PCDH7: variants seen among roughly 807,000 people sequenced by gnomAD.
PCDH7 encodes protocadherin-7.
Under a neutral mutation model 58.9 loss-of-function variants are expected in PCDH7, and 17 were observed. The observed-to-expected ratio is 0.29, with a 90% CI of 0.20 to 0.43. The LOEUF (loss-of-function observed/expected upper bound fraction) is 0.43, where lower values mean the gene tolerates loss of function less well. PCDH7 is among the 20% of genes least tolerant of loss of function. PCDH7 has a pLI of 1.00. For synonymous variants in PCDH7, 664 were observed against 616.4 expected (o/e 1.08, Z -1.14); for missense variants, 1,274 against 1,441.0 (o/e 0.88, Z 1.88).
At position 30,840,029 on chromosome 4, in the gene PCDH7, AGTGTGT is replaced by A. The variant is rs10687813; in HGVS notation, c.71-80104_71-80099del. On this transcript the variant is annotated intron_variant, in intron 1 of 3. Transcript: ENST00000509759. ...TAGTGCGACAGTAGCAATGATGATG[AGTGTGT>A]GTGTGTGTGTGTGTGTGTGGTTTTG... is the stretch of plus-strand genomic sequence containing the variant. Among the ~76,000 whole-genome samples the A allele has an allele frequency of 8.9e-3, 1,329 of 148,630 alleles. 17 individuals carry two copies. The highest frequency in any genetic ancestry group is 0.03 in the African/African-American group (1,223 of 40,646).
chr4:30,768,337 C>CATACATCTTCCAAGTAGTATGT (rs1721003169), intron 1 of PCDH7, among the ~76,000 whole-genome samples: 1 of 152,182 alleles, frequency 6.6e-6, no homozygotes. Context: ...AAGTAGTATG[C>CATACATCTTCCAAGTAGTATGT]TTTCACTTGC....
chr4:30,912,903 G>A (rs946186313), intron 1 of PCDH7, among the ~76,000 whole-genome samples: 26 of 152,122 alleles, frequency 1.7e-4, no homozygotes, highest in Middle Eastern at 3.4e-3. Context: ...TAGATGAAAG[G>A]CACTTATTTT....
intron 1 of PCDH7, among the ~76,000 whole-genome samples, chr4:30,835,183 G>A (rs952850049): frequency 1.3e-5 from 2 of 152,040 alleles, no homozygotes; most frequent in Non-Finnish European, 2.9e-5. Flanking sequence ...AGTCATTCCC[G>A]GGAGCGCAGA....
intron 1 of PCDH7, among the ~76,000 whole-genome samples, chr4:30,773,734 G>A (rs1721713746): frequency 3.3e-5 from 5 of 152,056 alleles, no homozygotes; most frequent in Admixed American, 3.3e-4. Flanking sequence ...CCTATTTCAG[G>A]TGGGGAGAAA....
chr4:30,945,159 G>A (rs1218350546), intron 2 of PCDH7, among the ~76,000 whole-genome samples: 4 of 151,724 alleles, frequency 2.6e-5, no homozygotes, highest in Non-Finnish European at 4.4e-5. Context: ...TCAGTTAGAA[G>A]GAAAAATAAA....
chr4:30,974,452 A>G (rs1218426474), intron 3 of PCDH7, among the ~76,000 whole-genome samples: 1 of 152,054 alleles, frequency 6.6e-6, no homozygotes, highest in Non-Finnish European at 1.5e-5. Flanking sequence ...TATTTAATGA[A>G]CTAAATTGGA....
chr4:31,032,672 G>GAGGGAGGC lies in PCDH7; in HGVS notation c.*7+82464_*7+82465insCAGGGAGG, dbSNP rs571215504. The stretch of plus-strand genomic sequence containing the variant: ...AGAGAGAGAGAGGAAGGAAGGAAGG[G>GAGGGAGGC]AGGGAGGGAGGGAGGGAGGGAGGGA... On this transcript the variant is annotated intron_variant, in intron 3 of 3. Transcript: ENST00000509759. Among the ~76,000 whole-genome samples the GAGGGAGGC allele has an allele frequency of 3.8e-3, 184 of 48,080 alleles. 3 individuals carry two copies. The East Asian group carries it at 0.051, about 13-fold the overall frequency. The allele number at this position is 48,080 out of a possible 152,430, so 31.5% of individuals were successfully genotyped here.
At chr4:30,941,832 T>A (rs1054746724) in intron 2 of PCDH7, among the ~76,000 whole-genome samples, 8 of 151,934 alleles carry the variant, frequency 5.3e-5, no homozygotes, top group African/African-American at 1.9e-4. Flanking sequence ...TAGGTGGAGT[T>A]AGAAACCTGT....
intron 1 of PCDH7, among the ~76,000 whole-genome samples, chr4:30,895,675 GA>G (rs56125133): frequency 0.014 from 2,086 of 152,116 alleles, 21 homozygotes; most frequent in Non-Finnish European, 0.022. Context: ...CCCAGGATAT[GA>G]AAAAAATCTC....
At chr4:30,796,223 T>C (rs531144623) in intron 1 of PCDH7, among the ~76,000 whole-genome samples, 1 of 152,334 alleles carries the variant, frequency 6.6e-6, no homozygotes, top group African/African-American at 2.4e-5. Context: ...GTTTTTCTTA[T>C]TAACTGGTTT....
At chr4:30,774,415 A>G (rs1333707517) in intron 1 of PCDH7, among the ~76,000 whole-genome samples, 1 of 152,218 alleles carries the variant, frequency 6.6e-6, no homozygotes, top group East Asian at 1.9e-4. Context: ...TTTTGGAGCA[A>G]AATAAAACCA....
chr4:30,867,616 G>A (rs1735037396), intron 1 of PCDH7, among the ~76,000 whole-genome samples: 1 of 152,036 alleles, frequency 6.6e-6, no homozygotes, highest in Non-Finnish European at 1.5e-5. Flanking sequence ...TCAACTGAGA[G>A]CCTGGCACAC....
chr4:30,730,152 A>T (rs1213898621), intron 1 of PCDH7, among the ~76,000 whole-genome samples: 1 of 151,604 alleles, frequency 6.6e-6, no homozygotes, highest in Non-Finnish European at 1.5e-5. Flanking sequence ...ATATAACATG[A>T]CTTTGTTTAG....
chr4:30,797,352 A>G (rs1470092204), intron 1 of PCDH7, among the ~76,000 whole-genome samples: 4 of 151,276 alleles, frequency 2.6e-5, no homozygotes, highest in Admixed American at 2.6e-4. Flanking sequence ...AGCTCACTGC[A>G]AGTTCCGCCT....
At chr4:30,915,186 A>C (rs1379361493) in intron 1 of PCDH7, among the ~76,000 whole-genome samples, 1 of 152,178 alleles carries the variant, frequency 6.6e-6, no homozygotes, top group Non-Finnish European at 1.5e-5. Flanking sequence ...AATAAATCAA[A>C]CACTTTACAG....
At chr4:30,877,074 G>T (rs1736384747) in intron 1 of PCDH7, among the ~76,000 whole-genome samples, 1 of 152,004 alleles carries the variant, frequency 6.6e-6, no homozygotes, top group South Asian at 2.1e-4. Flanking sequence ...TCTTAGTAGT[G>T]ATTGAGAAGC....
rs1251667228 is a variant in PCDH7, at chr4:31,068,465, C to G, written c.*8-74008C>G. ...GGAACTGTATTAGGCTTGTAGACTC[C>G]AATATATACACCCTTGTACAAACCA... is the stretch of plus-strand genomic sequence containing the variant. On this transcript the variant is annotated intron_variant, in intron 3 of 3. Transcript: ENST00000509759. 2.0e-5 allele frequency among the ~76,000 whole-genome samples: 3 copies of G among 151,924 alleles called. No homozygotes were observed. In the East Asian group the frequency reaches 5.8e-4, roughly 29 times the overall value.
rs1229075163 is a variant in PCDH7, at chr4:30,722,249, T to G, written c.827T>G (p.Leu276Arg). ...CGCGAGCAGCGCGACTCCTACGAGC[T>G]GACCCTGCGAGTGCGCGACGGCGGC... The change falls in exon 1 of 2, where the codon CTG becomes CGG. Residue 276 changes from leucine (L) to arginine (R), a missense_variant. Physicochemically the swap from Leu to Arg is moderately radical, Grantham distance 102 (BLOSUM62 -2). Coordinates refer to ENST00000361762, the Ensembl canonical transcript of PCDH7. This position sits in a 1 kb window ranked among gnomAD's most constrained non-coding sequence, Gnocchi z 7.6. 6.3e-7 allele frequency: 1 copy of G among 1,596,396 alleles called. No individual in the cohort carries two copies. The highest frequency in any genetic ancestry group is 2.3e-5 in the East Asian group (1 of 43,928).
At chr4:31,117,522 G>A (rs1717149894) in intron 3 of PCDH7, among the ~76,000 whole-genome samples, 1 of 151,866 alleles carries the variant, frequency 6.6e-6, no homozygotes, top group African/African-American at 2.4e-5. Flanking sequence ...TTTTTATCAT[G>A]TATTACAAAA....
Sources: gnomAD v4.1 joint callset for allele counts (sites outside exome capture counted in the v4.1 genomes callset) on GRCh38, gnomAD v4.1.1 for gene constraint, Gnocchi (gnomAD v3.1) non-coding constraint, MANE v1.5 for transcripts, NCBI Gene and HGNC (gene_info 2026-07-23, HGNC 2026-07-21) for gene names.